The following ADGRG6 variants were observed in gnomAD, a reference collection of about 807,000 sequenced individuals.
The protein encoded by ADGRG6 is adhesion G protein-coupled receptor G6, also known as G-protein coupled receptor 126.
Under a neutral mutation model 142.4 loss-of-function variants are expected in ADGRG6, and 84 were observed. The ratio of observed to expected loss-of-function variants is 0.59; its 90% confidence interval spans 0.49 to 0.71. The LOEUF is 0.71. Ranked by LOEUF, ADGRG6 falls within the 30% of genes least tolerant of loss-of-function variation. The probability of loss-of-function intolerance (pLI) is 0.00; values close to 1 mark genes in which losing one functional copy is unlikely to be tolerated. For missense variants in ADGRG6, 1,367 were observed against 1,466.6 expected (o/e 0.93, Z 1.11); for synonymous variants, 521 against 520.5 (o/e 1.00, Z -0.01).
At chr6:142,413,492 A>G (rs1367086712) in intron 18 of ADGRG6, among the ~76,000 whole-genome samples, 1 of 152,194 alleles carries the variant, frequency 6.6e-6, no homozygotes, top group Non-Finnish European at 1.5e-5. Context: ...GAAATTGTGT[A>G]TAAATCTGTA....
rs1253597557 is a variant in ADGRG6, at chr6:142,405,678, T to A, written c.2128-10T>A. 2 of 1,596,576 alleles carry A rather than the reference T, an allele frequency of 1.3e-6. No homozygotes were observed. The highest frequency in any genetic ancestry group is 1.7e-4 in the Middle Eastern group (1 of 6,016). ...ATTACTTGACCAATATATCTGTGTG[T>A]GTGTGACAGATGGATTTTGAGAGTG... On this transcript the variant is annotated splice_polypyrimidine_tract_variant and intron_variant, in intron 14 of 24. Coordinates refer to ENST00000367609, the MANE Select transcript of ADGRG6 (RefSeq NM_198569.3).
At chr6:142,421,463 C>A (rs1257441984) in intron 22 of ADGRG6, among the ~76,000 whole-genome samples, 1 of 152,110 alleles carries the variant, frequency 6.6e-6, no homozygotes, top group Non-Finnish European at 1.5e-5. Flanking sequence ...TGGGATCTAG[C>A]TTTATAAAGT....
chr6:142,419,606 T>A (rs1258413755), intron 21 of ADGRG6, among the ~76,000 whole-genome samples: 1 of 152,086 alleles, frequency 6.6e-6, no homozygotes, highest in Admixed American at 6.6e-5. Flanking sequence ...TAATATTGGC[T>A]TACCTAGATA....
chr6:142,400,387 A>T, intron 10 of ADGRG6, 98 bp from the exon 11 acceptor site: 1 of 643,816 alleles, frequency 1.6e-6, no homozygotes, highest in Non-Finnish European at 2.9e-6. Flanking sequence ...GAAATACCTA[A>T]TTACCAGCAT....
At chr6:142,379,639 C>T (rs955365306) in intron 4 of ADGRG6, among the ~76,000 whole-genome samples, 2 of 152,022 alleles carry the variant, frequency 1.3e-5, no homozygotes, top group South Asian at 2.1e-4. Context: ...TGGTGACGGG[C>T]GCCTGTAGTC....
intron 2 of ADGRG6, among the ~76,000 whole-genome samples, chr6:142,321,545 A>C (rs1778518174): frequency 1.3e-5 from 2 of 152,050 alleles, no homozygotes; most frequent in South Asian, 4.1e-4. Context: ...TATGTATGCA[A>C]AAATAAGAAT....
At chr6:142,310,973 T>C (rs534653934) in intron 2 of ADGRG6, among the ~76,000 whole-genome samples, 3 of 151,934 alleles carry the variant, frequency 2.0e-5, no homozygotes, top group Admixed American at 2.0e-4. Context: ...TGTTAGGTCA[T>C]GTATTTATAT....
chr6:142,419,986 G>A lies in ADGRG6; in HGVS notation c.3201G>A (p.Leu1067=). The change falls in exon 22 of 25, where the codon CTG becomes CTA. Residue 1067 remains leucine, a synonymous_variant. Transcript: ENST00000367609. ...TGAGAGAAGAAGTGTTAAGGAACCT[G>A]CGCAGTGTGGTTAGCTTGACCTTTC... ...RTLREEVLRN[L]RSVVSLTFLL... is the part of the protein sequence containing the mutation. 1 of 1,613,568 alleles carries A rather than the reference G, an allele frequency of 6.2e-7. No homozygotes were observed. The highest frequency in any genetic ancestry group is 1.1e-5 in the South Asian group (1 of 91,082).
At chr6:142,365,130 T>C (rs878856284) in intron 2 of ADGRG6, among the ~76,000 whole-genome samples, 1 of 152,202 alleles carries the variant, frequency 6.6e-6, no homozygotes, top group Admixed American at 6.5e-5. Context: ...CTAGGATTAC[T>C]TCTGTCTCCT....
chr6:142,393,805 A>G, intron 8 of ADGRG6, 91 bp from the exon 9 acceptor site: 1 of 776,360 alleles, frequency 1.3e-6, no homozygotes. Context: ...TAGAATTCCC[A>G]TTCTGTCTCT....
intron 2 of ADGRG6, among the ~76,000 whole-genome samples, chr6:142,352,403 G>C (rs1343183676): frequency 6.6e-6 from 1 of 152,068 alleles, no homozygotes; most frequent in Non-Finnish European, 1.5e-5. Context: ...CTTATAAGTG[G>C]GAGCTTGAAT....
At chr6:142,377,801 T>C (rs960752746) in intron 4 of ADGRG6, among the ~76,000 whole-genome samples, 1 of 152,240 alleles carries the variant, frequency 6.6e-6, no homozygotes, top group African/African-American at 2.4e-5. Flanking sequence ...ATAAAGTTTG[T>C]ATATACTTTT....
chr6:142,393,670 A>G (rs920668761), intron 8 of ADGRG6, among the ~76,000 whole-genome samples: 1 of 152,306 alleles, frequency 6.6e-6, no homozygotes, highest in Admixed American at 6.5e-5. Flanking sequence ...TTTTTATCAG[A>G]ACGTCTCAGT....
chr6:142,415,928 A>G lies in ADGRG6; in HGVS notation c.2802A>G (p.Ala934=), dbSNP rs1378080391. ...TGGATGGACTTTGCATTGCTGTTGCAGTCCTGTTGCATTTCTTCCTTCTGG... is the reference window on the plus strand; with the variant it reads ...TGGATGGACTTTGCATTGCTGTTGCGGTCCTGTTGCATTTCTTCCTTCTGG... ...FNVDGLCIAV[A]VLLHFFLLAT... Residue 934 remains alanine, a synonymous_variant, in exon 20 of 25, where the codon GCA becomes GCG. Transcript: ENST00000367609. The G allele has an allele frequency of 1.9e-6, 3 of 1,613,564 alleles. No individual in the cohort carries two copies. The highest frequency in any genetic ancestry group is 2.5e-6 in the Non-Finnish European group (3 of 1,179,720).
At chr6:142,305,488 CTG>C (rs1463353432) in intron 1 of ADGRG6, among the ~76,000 whole-genome samples, 1 of 146,602 alleles carries the variant, frequency 6.8e-6, no homozygotes, top group East Asian at 2.0e-4. Context: ...TCTGAACCAT[CTG>C]AGAACAAGTT....
At chr6:142,335,002 A>G (rs9484624) in intron 2 of ADGRG6, among the ~76,000 whole-genome samples, 5 of 152,236 alleles carry the variant, frequency 3.3e-5, no homozygotes, top group Non-Finnish European at 5.9e-5. Flanking sequence ...GCACTGGACA[A>G]AAGCATGTCT....
At chr6:142,411,450 A>G in intron 18 of ADGRG6, 39 bp downstream of exon 18, 1 of 980,434 alleles carries the variant, frequency 1.0e-6, no homozygotes, top group East Asian at 2.4e-5. Context: ...GACATGCTGT[A>G]ACTTTGGATG....
chr6:142,360,735 T>C (rs1780672095), intron 2 of ADGRG6, among the ~76,000 whole-genome samples: 1 of 152,166 alleles, frequency 6.6e-6, no homozygotes, highest in African/African-American at 2.4e-5. Context: ...CTCAGCTTAC[T>C]GAAACTCCAC....
chr6:142,341,165 G>C (rs1277619204), intron 2 of ADGRG6, among the ~76,000 whole-genome samples: 3 of 151,038 alleles, frequency 2.0e-5, no homozygotes, highest in African/African-American at 2.4e-5. Context: ...TGTCTCTAGG[G>C]TGTGATGGGG....
Sources: gnomAD v4.1 joint callset for allele counts (sites outside exome capture counted in the v4.1 genomes callset) on GRCh38, gnomAD v4.1.1 for gene constraint, MANE v1.5 for transcripts, NCBI Gene and HGNC (gene_info 2026-07-23, HGNC 2026-07-21) for gene names.